SLC35E3: variants seen among roughly 807,000 people sequenced by gnomAD.
SLC35E3 encodes solute carrier family 35 member E3.
SLC35E3 carries 28 observed loss-of-function variants against 30.8 expected under a neutral mutation model. That is an observed-to-expected ratio of 0.91 (90% confidence interval 0.67 to 1.25). The LOEUF is 1.25. SLC35E3 is among the 50% of genes most tolerant of loss of function. The pLI is 0.00. For missense variants in SLC35E3, 365 were observed against 375.4 expected (o/e 0.97, Z 0.23); for synonymous variants, 146 against 149.2 (o/e 0.98, Z 0.16).
Position 68,772,631 on chromosome 12 carries a change from C to T in SLC35E3, c.*7741C>T, listed in dbSNP as rs917585028. On this transcript the variant is annotated 3_prime_UTR_variant, in exon 5 of 5. Transcript: ENST00000398004. The stretch of plus-strand genomic sequence containing the variant: ...CAAACTATAGTAATTCACATTTTTC[C>T]ATTTAACTAAAAATGTCTCGTAACT... 3 of 152,090 alleles carry T rather than the reference C, an allele frequency of 2.0e-5. No individual in the cohort carries two copies. Among genetic ancestry groups the T allele is most frequent in the Admixed American group, 6.5e-5 (1 of 15,272 alleles). The allele number at this position is 152,090 out of a possible 1,614,324, so 9.4% of individuals were successfully genotyped here.
At chr12:68,761,049 G>A (rs1879217768) in intron 4 of SLC35E3, among the ~76,000 whole-genome samples, 1 of 152,158 alleles carries the variant, frequency 6.6e-6, no homozygotes, top group Non-Finnish European at 1.5e-5. Flanking sequence ...CCAGGCAGAG[G>A]CAACAGCAGG....
At chr12:68,751,308 T>G (rs1250307686) in intron 2 of SLC35E3, among the ~76,000 whole-genome samples, 3 of 151,538 alleles carry the variant, frequency 2.0e-5, no homozygotes, top group Non-Finnish European at 4.4e-5. Context: ...TTTGTTTTTT[T>G]TTTTTTTTAG....
chr12:68,756,442 T>A (rs1479547601), intron 3 of SLC35E3, among the ~76,000 whole-genome samples: 1 of 184 alleles, frequency 5.4e-3, no homozygotes, highest in Admixed American at 0.1. Context: ...CAACTCAACT[T>A]TTTTTTTTTT....
intron 4 of SLC35E3, among the ~76,000 whole-genome samples, chr12:68,763,211 A>G (rs572420467): frequency 6.6e-6 from 1 of 152,302 alleles, no homozygotes; most frequent in South Asian, 2.1e-4. Flanking sequence ...CGTGGGAGGT[A>G]AACCCCTTTT....
intron 3 of SLC35E3, among the ~76,000 whole-genome samples, chr12:68,758,316 A>G (rs1879105179): frequency 6.6e-6 from 1 of 152,036 alleles, no homozygotes; most frequent in Non-Finnish European, 1.5e-5. Context: ...GCTACTCAGG[A>G]GAATGAGGAA....
chr12:68,752,163 A>T lies in SLC35E3; in HGVS notation c.645A>T (p.Ile215=). 6.2e-7 allele frequency: 1 copy of T among 1,613,052 alleles called. No homozygotes were observed. Among genetic ancestry groups the T allele is most frequent in the Non-Finnish European group, 8.5e-7 (1 of 1,179,766 alleles). Residue 215 remains isoleucine (I), a synonymous_variant, in exon 3 of 5, where the codon ATA becomes ATT. Transcript: ENST00000398004. ...FFEPVFGEGG[I]FGPWSVSALL... ...AGCCAGTGTTTGGAGAAGGAGGAATATTTGGTCCCTGGTCAGTTTCTGCTT... is the reference window on the plus strand; with the variant it reads ...AGCCAGTGTTTGGAGAAGGAGGAATTTTTGGTCCCTGGTCAGTTTCTGCTT...
Position 68,764,572 on chromosome 12 carries a change from T to C in SLC35E3, c.756-132T>C, listed in dbSNP as rs1046889965. The C allele has an allele frequency of 5.9e-6, 4 of 682,080 alleles. No individual in the cohort carries two copies. In the African/African-American group the frequency reaches 7.4e-5, roughly 13 times the overall value. The allele number at this position is 682,080 out of a possible 1,614,324, so 42.3% of individuals were successfully genotyped here. ...CAAAGTGCTGGGATTACAGGCATGA[T>C]CCACCACGCCTGGTCCCATTGTTCT... On this transcript the variant is annotated intron_variant, in intron 4 of 4. Transcript: ENST00000398004.
Position 68,767,959 on chromosome 12 carries a change from C to G in SLC35E3, c.*3069C>G, listed in dbSNP as rs181215501. 24 of 152,344 alleles carry G rather than the reference C, an allele frequency of 1.6e-4. No homozygotes were observed. The highest frequency in any genetic ancestry group is 5.8e-4 in the African/African-American group (24 of 41,584). 9.4% of individuals were successfully genotyped at this position (152,344 alleles called of 1,614,324 possible). A position where few individuals can be genotyped will look rare whatever the true frequency, so the allele number is the denominator to read the frequency against. On this transcript the variant is annotated 3_prime_UTR_variant, in exon 5 of 5. Transcript: ENST00000398004. ...GCACAGTGAGGATTTGACGTCTGCA[C>G]TGAGAACAGCTGAGTTTATTTGTGC...
chr12:68,769,317 G>A lies in SLC35E3; in HGVS notation c.*4427G>A, dbSNP rs551502612. 2 of 151,714 alleles carry A rather than the reference G, an allele frequency of 1.3e-5. No homozygotes were observed. Among genetic ancestry groups the A allele is most frequent in the East Asian group, 1.9e-4 (1 of 5,136 alleles). 9.4% of individuals were successfully genotyped at this position (151,714 alleles called of 1,614,324 possible). On this transcript the variant is annotated 3_prime_UTR_variant, in exon 5 of 5. Transcript: ENST00000398004. ...ATTCACTCCGTCAGTAAATACTGTC[G>A]GGTGAATGACTGCAGAATGGCCAAA...
rs981064507 is a variant in SLC35E3, at chr12:68,779,952, A to G, written c.*15062A>G. The G allele has an allele frequency of 2.0e-5, 3 of 152,158 alleles. No homozygotes were observed. Among genetic ancestry groups the G allele is most frequent in the Admixed American group, 6.6e-5 (1 of 15,262 alleles). 9.4% of individuals were successfully genotyped at this position (152,158 alleles called of 1,614,324 possible). The stretch of plus-strand genomic sequence containing the variant: ...ACCCTGACTCTAAAAGTAAAATTAA[A>G]TTAAATTAAAAATAAGTGGATAAAT... On this transcript the variant is annotated 3_prime_UTR_variant, in exon 5 of 5. Coordinates refer to ENST00000398004, the MANE Select transcript of SLC35E3 (RefSeq NM_018656.5).
intron 3 of SLC35E3, among the ~76,000 whole-genome samples, chr12:68,756,321 G>C (rs1034111526): frequency 8.8e-6 from 1 of 114,204 alleles, no homozygotes; most frequent in Non-Finnish European, 1.8e-5. Flanking sequence ...AAAAAAAAAA[G>C]GCAAAGAAAC....
At chr12:68,762,455 G>C (rs1879260210) in intron 4 of SLC35E3, among the ~76,000 whole-genome samples, 2 of 152,118 alleles carry the variant, frequency 1.3e-5, no homozygotes, top group African/African-American at 2.4e-5. Context: ...AGTTCAAGGA[G>C]ACTGGTCACC....
rs763566077 is a variant in SLC35E3 at position 68,775,208 on chromosome 12, AAG to A, written c.*10319_*10320del. 4 of 152,268 alleles carry A rather than the reference AAG, an allele frequency of 2.6e-5. No homozygotes were observed. The East Asian group carries it at 7.7e-4, about 29-fold the overall frequency. The allele number at this position is 152,268 out of a possible 1,614,324, so 9.4% of individuals were successfully genotyped here. ...AATGCCAATGAGCATTTGGGGTAAA[AAG>A]GGGCAAGAATGGAGGACCTGCTCTG... On this transcript the variant is annotated 3_prime_UTR_variant, in exon 5 of 5. Transcript: ENST00000398004.
rs2136090812 is a variant in SLC35E3 at position 68,780,628 on chromosome 12, T to C, written c.*15738T>C. 1 of 152,838 alleles carries C rather than the reference T, an allele frequency of 6.5e-6. No individual in the cohort carries two copies. Among genetic ancestry groups the C allele is most frequent in the Middle Eastern group, 3.3e-3 (1 of 300 alleles). The allele number at this position is 152,838 out of a possible 1,614,324, so 9.5% of individuals were successfully genotyped here. A position where few individuals can be genotyped will look rare whatever the true frequency, so the allele number is the denominator to read the frequency against. ...TCAGCCACCCAAGTAGCTGGGATTA[T>C]AGGCATGCACCACTATGCCCGGCTA... On this transcript the variant is annotated 3_prime_UTR_variant, in exon 5 of 5. Coordinates refer to ENST00000398004, the MANE Select transcript of SLC35E3 (RefSeq NM_018656.5).
At chr12:68,751,217 C>T (rs1878778786) in intron 2 of SLC35E3, among the ~76,000 whole-genome samples, 1 of 151,940 alleles carries the variant, frequency 6.6e-6, no homozygotes, top group African/African-American at 2.4e-5. Flanking sequence ...AGACCACATA[C>T]CTTTTCAAGC....
At position 68,771,501 on chromosome 12, in the gene SLC35E3, GA is replaced by G. The variant is rs1295523435; in HGVS notation, c.*6614del. The G allele has an allele frequency of 6.6e-6, 1 of 152,188 alleles. No homozygotes were observed. The highest frequency in any genetic ancestry group is 1.5e-5 in the Non-Finnish European group (1 of 68,084). 9.4% of individuals were successfully genotyped at this position (152,188 alleles called of 1,614,324 possible). A position where few individuals can be genotyped will look rare whatever the true frequency, so the allele number is the denominator to read the frequency against. ...AATGATAGAACATAATGCTGCAAAA[GA>G]AACAGAGAAGGAACAAAGAGGTGGG... On this transcript the variant is annotated 3_prime_UTR_variant, in exon 5 of 5. Coordinates refer to ENST00000398004, the MANE Select transcript of SLC35E3 (RefSeq NM_018656.5).
At chr12:68,760,288 C>T (rs1052379246) in intron 4 of SLC35E3, 1 of 152,188 alleles carries the variant, frequency 6.6e-6, no homozygotes, top group African/African-American at 2.4e-5. Flanking sequence ...TCTGCCCCCA[C>T]CCTTAGGCAA....
rs1878565902 is a variant in SLC35E3, at chr12:68,746,468, C to T, written c.91C>T (p.Leu31Phe). Residue 31 changes from leucine (L) to phenylalanine (F), a missense_variant, in exon 1 of 5, where the codon CTC becomes TTC. By Grantham distance (22) the Leu-to-Phe change is conservative. Coordinates refer to ENST00000398004, the MANE Select transcript of SLC35E3 (RefSeq NM_018656.5). ...GCTGGTGTCCATCTGCATTGTGTTC[C>T]TCAACAAATGGATTTATGTGTACCA... ...NLLVSICIVFLNKWIYVYHGF... is the reference protein window; with the variant it reads ...NLLVSICIVFFNKWIYVYHGF... The T allele has an allele frequency of 6.2e-7, 1 of 1,614,238 alleles. No individual in the cohort carries two copies. The highest frequency in any genetic ancestry group is 8.5e-7 in the Non-Finnish European group (1 of 1,180,038).
intron 4 of SLC35E3, among the ~76,000 whole-genome samples, chr12:68,761,272 G>A (rs977630075): frequency 2.6e-5 from 4 of 152,166 alleles, no homozygotes; most frequent in Admixed American, 6.5e-5. Flanking sequence ...TCAGTGGGCC[G>A]GGCACAATGG....
Sources: allele counts gnomAD v4.1 joint callset (sites outside exome capture counted in the v4.1 genomes callset), GRCh38; gene constraint gnomAD v4.1.1; transcripts MANE v1.5; gene names NCBI Gene and HGNC (gene_info 2026-07-23, HGNC 2026-07-21).